MOCOS: variants seen among roughly 807,000 people sequenced by gnomAD.
MOCOS encodes the protein human molybdenum cofactor sulfurase.
MOCOS carries 86 observed loss-of-function variants against 83.6 expected under a neutral mutation model. That is an observed-to-expected ratio of 1.03 (90% CI 0.86 to 1.23). MOCOS has a LOEUF of 1.23. Ranked by LOEUF, MOCOS falls within the 50% of genes most tolerant of loss-of-function variation. MOCOS has a pLI of 0.00. For missense variants in MOCOS, 1,120 were observed against 1,126.9 expected (o/e 0.99, Z 0.09); for synonymous variants, 445 against 434.7 (o/e 1.02, Z -0.29).
intron 1 of MOCOS, among the ~76,000 whole-genome samples, chr18:36,188,594 T>C (rs964808854): frequency 1.3e-5 from 2 of 152,218 alleles, no homozygotes; most frequent in African/African-American, 4.8e-5. Context: ...CACCGGGGTT[T>C]GAGTGTATCT....
intron 13 of MOCOS, among the ~76,000 whole-genome samples, chr18:36,261,733 C>G (rs184591197): frequency 5.3e-5 from 8 of 152,294 alleles, no homozygotes; most frequent in African/African-American, 1.9e-4. Context: ...ACAAGCCCAT[C>G]TCAGGCACTA....
intron 7 of MOCOS, among the ~76,000 whole-genome samples, chr18:36,213,966 G>T (rs1341059842): frequency 2.0e-5 from 3 of 150,988 alleles, no homozygotes; most frequent in African/African-American, 7.3e-5. Flanking sequence ...AAGAAGCCGG[G>T]CACGGTGGCT....
intron 1 of MOCOS, among the ~76,000 whole-genome samples, chr18:36,190,857 A>G (rs1007616147): frequency 5.7e-4 from 87 of 152,000 alleles, no homozygotes; most frequent in African/African-American, 2.0e-3. Flanking sequence ...CAACATGGCA[A>G]AACCCAGTCT....
chr18:36,223,029 A>G (rs1294677556), intron 9 of MOCOS, among the ~76,000 whole-genome samples: 2 of 152,216 alleles, frequency 1.3e-5, no homozygotes, highest in Non-Finnish European at 2.9e-5. Flanking sequence ...ATTTTCTCCC[A>G]TTCCACAGGT....
intron 7 of MOCOS, among the ~76,000 whole-genome samples, chr18:36,213,981 C>A (rs2091465707): frequency 6.6e-6 from 1 of 151,154 alleles, no homozygotes; most frequent in African/African-American, 2.4e-5. Flanking sequence ...GTGGCTCATG[C>A]CTGTAATCAC....
At chr18:36,231,171 G>T (rs1234402847) in intron 9 of MOCOS, among the ~76,000 whole-genome samples, 2 of 151,796 alleles carry the variant, frequency 1.3e-5, no homozygotes, top group African/African-American at 2.4e-5. Context: ...CGCTTTTTCT[G>T]TATTTGTTTA....
chr18:36,207,298 A>T (rs1257436748), intron 6 of MOCOS, among the ~76,000 whole-genome samples: 1 of 152,124 alleles, frequency 6.6e-6, no homozygotes, highest in Non-Finnish European at 1.5e-5. Context: ...CAGCCTCCCA[A>T]AGTGCTGGGA....
At chr18:36,191,020 C>CAA (rs113481286) in intron 1 of MOCOS, among the ~76,000 whole-genome samples, 32 of 81,416 alleles carry the variant, frequency 3.9e-4, no homozygotes, top group East Asian at 2.0e-3. Flanking sequence ...CCCTATCTCT[C>CAA]AAAAAAAAAA....
chr18:36,245,868 G>A (rs907383668), intron 9 of MOCOS, among the ~76,000 whole-genome samples: 18 of 152,158 alleles, frequency 1.2e-4, no homozygotes, highest in African/African-American at 2.4e-4. Flanking sequence ...ATTTGAAAGC[G>A]TTGTCTTTGG....
At chr18:36,241,209 C>T (rs1226751732) in intron 9 of MOCOS, among the ~76,000 whole-genome samples, 2 of 152,204 alleles carry the variant, frequency 1.3e-5, no homozygotes, top group Admixed American at 6.5e-5. Context: ...CAAAAGTCCA[C>T]AGTCCAAAGT....
intron 9 of MOCOS, among the ~76,000 whole-genome samples, chr18:36,233,018 GTTATTA>G (rs928503781): frequency 2.0e-5 from 3 of 151,694 alleles, no homozygotes; most frequent in African/African-American, 4.8e-5. Context: ...CCTCTCCTTC[GTTATTA>G]TTATTATTAT....
At position 36,198,615 on chromosome 18, in the gene MOCOS, G is replaced by C. The variant is rs1289633170; in HGVS notation, c.233-75G>C. ...TGTTGAGCTTTTTGAGAAACTGAGG[G>C]AGTGGATTCAGAAGGAACACAAAAG... On this transcript the variant is annotated intron_variant, in intron 2 of 14. Coordinates refer to ENST00000261326, the MANE Select transcript of MOCOS (RefSeq NM_017947.4). 3.6e-6 allele frequency: 5 copies of C among 1,408,230 alleles called. No individual in the cohort carries two copies. The African/African-American group carries it at 7.1e-5, about 20-fold the overall frequency. 87.2% of individuals were successfully genotyped at this position (1,408,230 alleles called of 1,614,324 possible). A position where few individuals can be genotyped will look rare whatever the true frequency, so the allele number is the denominator to read the frequency against.
chr18:36,262,081 T>C lies in MOCOS; in HGVS notation c.2409+1906T>C, dbSNP rs1009978626. 5.9e-5 allele frequency among the ~76,000 whole-genome samples: 9 copies of C among 152,092 alleles called. No individual in the cohort carries two copies. The South Asian group carries it at 1.9e-3, about 32-fold the overall frequency. The stretch of plus-strand genomic sequence containing the variant: ...CTTAGCAGGCTTTGCTTTCTTTAGG[T>C]CACCATTCTTAATAGACCACAACTA... On this transcript the variant is annotated intron_variant, in intron 13 of 14. Transcript: ENST00000261326.
intron 6 of MOCOS, among the ~76,000 whole-genome samples, chr18:36,207,532 AT>A (rs754807198): frequency 7.9e-5 from 12 of 151,722 alleles, no homozygotes; most frequent in Non-Finnish European, 1.6e-4. Flanking sequence ...TTTAATTTGC[AT>A]TTCTCTCATG....
chr18:36,202,852 C>T (rs913955713), intron 4 of MOCOS, among the ~76,000 whole-genome samples: 2 of 152,090 alleles, frequency 1.3e-5, no homozygotes, highest in Non-Finnish European at 2.9e-5. Context: ...ATTTATAAAA[C>T]CATCAGATCT....
chr18:36,211,940 G>T (rs752123784), intron 6 of MOCOS, among the ~76,000 whole-genome samples: 3 of 152,212 alleles, frequency 2.0e-5, no homozygotes, highest in Non-Finnish European at 4.4e-5. Context: ...TGGGACACTA[G>T]CTTTGGAGCC....
chr18:36,233,402 A>G (rs1427337333), intron 9 of MOCOS, among the ~76,000 whole-genome samples: 1 of 152,110 alleles, frequency 6.6e-6, no homozygotes. Context: ...GTGTGTTTGT[A>G]TACCCACATC....
At chr18:36,253,342 GGGA>G (rs2091628882) in intron 11 of MOCOS, among the ~76,000 whole-genome samples, 1 of 152,156 alleles carries the variant, frequency 6.6e-6, no homozygotes, top group Non-Finnish European at 1.5e-5. Flanking sequence ...GAGGGCTTCA[GGGA>G]GGAGGTGAGT....
rs71168208 is a variant in MOCOS, at chr18:36,232,855, T to TACACACACACACAC, written c.1960+12659_1960+12672dup. ...TTTTTATGGCTGAATAATATTCCATTACACACACACACACACACACACACA... is the reference window on the plus strand; with the variant it reads ...TTTTTATGGCTGAATAATATTCCATTACACACACACACACACACACACACACACACACACACACA... On this transcript the variant is annotated intron_variant, in intron 9 of 14. Coordinates refer to ENST00000261326, the MANE Select transcript of MOCOS (RefSeq NM_017947.4). Among the ~76,000 whole-genome samples the TACACACACACACAC allele has an allele frequency of 1.5e-3, 228 of 147,928 alleles. 2 individuals are homozygous for TACACACACACACAC. The highest frequency in any genetic ancestry group is 3.3e-3 in the African/African-American group (131 of 39,946).
Sources: gnomAD v4.1 joint callset for allele counts (sites outside exome capture counted in the v4.1 genomes callset) on GRCh38, gnomAD v4.1.1 for gene constraint, MANE v1.5 for transcripts, NCBI Gene and HGNC (gene_info 2026-07-23, HGNC 2026-07-21) for gene names.